ADGRL3: variants seen among roughly 807,000 people sequenced by gnomAD.
The protein encoded by ADGRL3 is calcium-independent alpha-latrotoxin receptor 3.
In ADGRL3, 62 loss-of-function variants were observed where a neutral mutation model predicts 153.5. The ratio of observed to expected loss-of-function variants is 0.40; its 90% CI spans 0.33 to 0.50. The LOEUF (loss-of-function observed/expected upper bound fraction) is 0.50, where lower values mean the gene tolerates loss of function less well. Ranked by LOEUF, ADGRL3 falls within the 20% of genes least tolerant of loss-of-function variation. The pLI is 0.47. For synonymous variants in ADGRL3, 710 were observed against 672.5 expected, an observed-to-expected ratio of 1.06 and a Z score of -0.86; for missense variants, 1,641 against 1,859.4, an observed-to-expected ratio of 0.88 and a Z score of 2.16.
At chr4:61,210,428 C>A (rs1266467127) in intron 1 of ADGRL3, among the ~76,000 whole-genome samples, 1 of 152,036 alleles carries the variant, frequency 6.6e-6, no homozygotes, top group Non-Finnish European at 1.5e-5. Flanking sequence ...GAGACTCAAG[C>A]CCAGTTTTTG....
At chr4:61,492,781 G>C (rs1189697898) in intron 2 of ADGRL3, among the ~76,000 whole-genome samples, 4 of 151,952 alleles carry the variant, frequency 2.6e-5, no homozygotes, top group African/African-American at 9.7e-5. Flanking sequence ...AGTTGATGAG[G>C]GAAGACTTTA....
At chr4:61,259,215 A>G (rs929878884) in intron 1 of ADGRL3, among the ~76,000 whole-genome samples, 9 of 152,078 alleles carry the variant, frequency 5.9e-5, no homozygotes, top group African/African-American at 1.9e-4. Flanking sequence ...CGAGGTCAGG[A>G]GATCGAGACC....
At chr4:61,992,361 T>C (rs572379053) in intron 19 of ADGRL3, among the ~76,000 whole-genome samples, 44 of 152,326 alleles carry the variant, frequency 2.9e-4, no homozygotes, top group African/African-American at 1.0e-3. Context: ...CTCAGGCATG[T>C]ATGTATACAC....
chr4:61,683,810 G>A (rs921089812), intron 6 of ADGRL3, among the ~76,000 whole-genome samples: 5 of 152,036 alleles, frequency 3.3e-5, no homozygotes, highest in Non-Finnish European at 5.9e-5. Context: ...CTAGGCATTT[G>A]CCTGCCTCCT....
chr4:61,302,598 A>G (rs2094615758), intron 1 of ADGRL3, among the ~76,000 whole-genome samples: 1 of 152,126 alleles, frequency 6.6e-6, no homozygotes, highest in South Asian at 2.1e-4. Context: ...GTTTTGTGAT[A>G]TTTTGATTAT....
intron 3 of ADGRL3, among the ~76,000 whole-genome samples, chr4:61,505,730 G>T (rs2098423793): frequency 6.6e-6 from 1 of 151,696 alleles, no homozygotes; most frequent in Non-Finnish European, 1.5e-5. Context: ...GCCTCTTGTA[G>T]TTCATCTCAA....
intron 2 of ADGRL3, chr4:61,385,590 A>C (rs879661854): frequency 6.6e-6 from 1 of 152,148 alleles, no homozygotes; most frequent in Non-Finnish European, 1.5e-5. Flanking sequence ...TTCTTTCTTC[A>C]GCAGTCTGTC....
At chr4:61,404,617 C>A (rs1484034256) in intron 2 of ADGRL3, among the ~76,000 whole-genome samples, 2 of 152,028 alleles carry the variant, frequency 1.3e-5, no homozygotes, top group Non-Finnish European at 2.9e-5. Context: ...GAAGTGAGAA[C>A]ACTCTTTAAA....
At chr4:61,560,816 G>A (rs574955285) in intron 4 of ADGRL3, among the ~76,000 whole-genome samples, 3 of 152,188 alleles carry the variant, frequency 2.0e-5, no homozygotes, top group South Asian at 2.1e-4. Context: ...AAACCAGTGG[G>A]AAAGAGATAA....
At chr4:62,009,056 G>A (rs559161470) in intron 21 of ADGRL3, among the ~76,000 whole-genome samples, 80 of 152,198 alleles carry the variant, frequency 5.3e-4, no homozygotes, top group African/African-American at 1.8e-3. Context: ...TTTTAAGTTT[G>A]TGTAAGAACA....
chr4:61,403,782 C>T (rs1462667960), intron 2 of ADGRL3, among the ~76,000 whole-genome samples: 2 of 151,914 alleles, frequency 1.3e-5, no homozygotes, highest in Admixed American at 6.6e-5. Context: ...TCTGTGCTAA[C>T]CCTAGGTAGG....
chr4:61,313,578 G>A lies in ADGRL3; in HGVS notation c.-239-69546G>A, dbSNP rs188564008. 2.2e-3 allele frequency among the ~76,000 whole-genome samples: 341 copies of A among 152,176 alleles called. 1 individual carries two copies. Among genetic ancestry groups the A allele is most frequent in the Non-Finnish European group, 4.2e-3 (283 of 68,016 alleles). On this transcript the variant is annotated intron_variant, in intron 1 of 26. Coordinates refer to ENST00000683033, the MANE Select transcript of ADGRL3 (RefSeq NM_001387552.1). ...GATTTTGGAAACTGTGATCTTAAGC[G>A]AAAACAATGTATAACACAACCAATT...
intron 6 of ADGRL3, among the ~76,000 whole-genome samples, chr4:61,730,356 G>T (rs2096418297): frequency 6.6e-6 from 1 of 151,706 alleles, no homozygotes. Flanking sequence ...AATTTGGAAT[G>T]GTGTGTTTAT....
chr4:62,019,682 A>G (rs965451940), intron 21 of ADGRL3, among the ~76,000 whole-genome samples: 2 of 152,282 alleles, frequency 1.3e-5, no homozygotes, highest in African/African-American at 2.4e-5. Flanking sequence ...GTAATTAATC[A>G]GGTCTGCTCA....
intron 2 of ADGRL3, among the ~76,000 whole-genome samples, chr4:61,493,092 T>C (rs972224841): frequency 1.3e-5 from 2 of 152,204 alleles, no homozygotes; most frequent in Non-Finnish European, 1.5e-5. Context: ...AAAACTGTTA[T>C]AATTCAGAGT....
intron 4 of ADGRL3, among the ~76,000 whole-genome samples, chr4:61,550,221 A>G (rs1221408910): frequency 6.7e-6 from 1 of 148,614 alleles, no homozygotes; most frequent in African/African-American, 2.6e-5. Context: ...GATTGGAATA[A>G]TTTTACTTTG....
At chr4:61,369,290 G>A (rs1422855691) in intron 1 of ADGRL3, among the ~76,000 whole-genome samples, 1 of 152,158 alleles carries the variant, frequency 6.6e-6, no homozygotes, top group Non-Finnish European at 1.5e-5. Context: ...GTGAGAGAGG[G>A]CATCCCTGTC....
At chr4:61,281,705 G>A (rs893461000) in intron 1 of ADGRL3, among the ~76,000 whole-genome samples, 2 of 152,066 alleles carry the variant, frequency 1.3e-5, no homozygotes, top group South Asian at 4.1e-4. Flanking sequence ...TTAGATCCAG[G>A]ATGTTAGCTG....
chr4:61,432,582 C>CTT (rs768721472), intron 2 of ADGRL3, among the ~76,000 whole-genome samples: 10,032 of 17,698 alleles, frequency 0.57, 2,105 homozygotes, highest in South Asian at 0.66. Context: ...TCCTTTCTTT[C>CTT]TTTCTTTCTT....
Sources: gnomAD v4.1 joint callset for allele counts (sites outside exome capture counted in the v4.1 genomes callset) on GRCh38, gnomAD v4.1.1 for gene constraint, MANE v1.5 for transcripts, NCBI Gene and HGNC (gene_info 2026-07-23, HGNC 2026-07-21) for gene names.